TENM2: variants seen among roughly 807,000 people sequenced by gnomAD.
TENM2 encodes teneurin-2.
TENM2 carries 52 observed loss-of-function variants against 245.2 expected under a neutral mutation model. The observed-to-expected ratio is 0.21, with a 90% CI of 0.17 to 0.27. TENM2 has a LOEUF of 0.27. Among genes scored for constraint, TENM2 ranks in the 10% least tolerant of loss-of-function variants. The pLI, the probability that TENM2 is intolerant of heterozygous loss-of-function variation, is 1.00. For synonymous variants in TENM2, 1,363 were observed against 1,438.9 expected, an observed-to-expected ratio of 0.95 and a Z score of 1.19; for missense variants, 3,046 against 3,666.8, an observed-to-expected ratio of 0.83 and a Z score of 4.37.
At chr5:167,613,138 C>T (rs1268746469) in intron 2 of TENM2, among the ~76,000 whole-genome samples, 1 of 152,106 alleles carries the variant, frequency 6.6e-6, no homozygotes, top group African/African-American at 2.4e-5. Flanking sequence ...TGCTTAAAAA[C>T]CCATGTTCTG....
intron 2 of TENM2, among the ~76,000 whole-genome samples, chr5:167,819,807 G>C (rs1420881446): frequency 6.6e-6 from 1 of 152,132 alleles, no homozygotes; most frequent in Admixed American, 6.5e-5. Context: ...TGCTCTACTT[G>C]GCTAAATCTG....
At chr5:167,040,364 A>T in the TENM2 span, among the ~76,000 whole-genome samples, 24 of 152,302 alleles carry the variant, frequency 1.6e-4, no homozygotes, top group Admixed American at 4.6e-4. Flanking sequence ...ATGGGTTGAA[A>T]GAAGGCTGAC....
intron 2 of TENM2, among the ~76,000 whole-genome samples, chr5:167,643,410 G>C (rs899633456): frequency 2.0e-5 from 3 of 152,054 alleles, no homozygotes; most frequent in Non-Finnish European, 4.4e-5. Flanking sequence ...TTCACTTGGT[G>C]TAATCTTTTT....
At chr5:167,973,563 G>T (rs1330433179) in intron 4 of TENM2, among the ~76,000 whole-genome samples, 1 of 152,130 alleles carries the variant, frequency 6.6e-6, no homozygotes, top group Non-Finnish European at 1.5e-5. Flanking sequence ...TGAGCTCAGG[G>T]GACTCTACGG....
At chr5:167,734,307 A>G (rs1760646446) in intron 2 of TENM2, among the ~76,000 whole-genome samples, 2 of 152,194 alleles carry the variant, frequency 1.3e-5, no homozygotes, top group African/African-American at 4.8e-5. Flanking sequence ...CTCACCTGAG[A>G]GGACCCACAT....
intron 2 of TENM2, among the ~76,000 whole-genome samples, chr5:167,723,468 C>T (rs1246487950): frequency 2.0e-5 from 3 of 152,230 alleles, no homozygotes; most frequent in African/African-American, 7.2e-5. Flanking sequence ...CCAGAGGGCG[C>T]CTGACACGTG....
At chr5:166,981,775 T>G in the TENM2 span, among the ~76,000 whole-genome samples, 5 of 152,130 alleles carry the variant, frequency 3.3e-5, no homozygotes, top group African/African-American at 1.2e-4. Context: ...GGTTGTTTTT[T>G]TTACCCAGCC....
rs79547751 is a variant in TENM2 at position 167,401,424 on chromosome 5, T to A, written c.502+25951T>A. 8.0e-3 allele frequency among the ~76,000 whole-genome samples: 1,213 copies of A among 152,244 alleles called. 23 individuals are homozygous for A. Among genetic ancestry groups the A allele is most frequent in the African/African-American group, 0.028 (1,155 of 41,564 alleles). The stretch of plus-strand genomic sequence containing the variant: ...TTCTAAAAATTGTGTTTGTTGAGAA[T>A]CATGAGCAGCCAGTAAGATTCTCAT... On this transcript the variant is annotated intron_variant, in intron 2 of 28. Coordinates refer to ENST00000518659, the Ensembl canonical transcript of TENM2.
chr5:167,635,903 C>T (rs112112765), intron 2 of TENM2, among the ~76,000 whole-genome samples: 2,441 of 151,986 alleles, frequency 0.016, 69 homozygotes, highest in African/African-American at 0.055. Context: ...CTCGGCCTCC[C>T]AAAGCACTGG....
intron 5 of TENM2, among the ~76,000 whole-genome samples, chr5:167,998,710 G>T (rs1784228391): frequency 6.6e-6 from 1 of 152,094 alleles, no homozygotes; most frequent in Non-Finnish European, 1.5e-5. Context: ...AAGTCACCTT[G>T]TCTTTTTTCA....
At chr5:167,211,115 A>G in the TENM2 span, among the ~76,000 whole-genome samples, 1 of 152,152 alleles carries the variant, frequency 6.6e-6, no homozygotes, top group Non-Finnish European at 1.5e-5. Flanking sequence ...TTCTTTTGGT[A>G]TTATTTCTTG....
chr5:167,142,256 ACT>A, the TENM2 span, among the ~76,000 whole-genome samples: 1 of 152,118 alleles, frequency 6.6e-6, no homozygotes, highest in Non-Finnish European at 1.5e-5. Flanking sequence ...GACTCTGCCA[ACT>A]TGCTCACTAA....
At chr5:167,593,327 T>C (rs1049186793) in intron 2 of TENM2, among the ~76,000 whole-genome samples, 8 of 152,250 alleles carry the variant, frequency 5.3e-5, no homozygotes, top group African/African-American at 1.9e-4. Context: ...CAATTGTTTT[T>C]CTAAAAGGGT....
At chr5:167,677,430 A>G (rs1346832808) in intron 2 of TENM2, among the ~76,000 whole-genome samples, 2 of 151,760 alleles carry the variant, frequency 1.3e-5, no homozygotes, top group East Asian at 1.9e-4. Context: ...AGACATTATA[A>G]TTTGTTAGAA....
intron 1 of TENM2, among the ~76,000 whole-genome samples, chr5:167,325,518 T>C (rs149251876): frequency 0.012 from 1,837 of 152,288 alleles, 43 homozygotes; most frequent in African/African-American, 0.041. Context: ...CAGTAACTCA[T>C]TGCTCAGGTT....
At chr5:167,877,191 A>G (rs1362544251) in intron 3 of TENM2, among the ~76,000 whole-genome samples, 2 of 152,116 alleles carry the variant, frequency 1.3e-5, no homozygotes, top group Admixed American at 6.5e-5. Flanking sequence ...CCATGCCGAG[A>G]GTGGGTCTTG....
At chr5:167,499,442 C>T (rs1008550698) in intron 2 of TENM2, among the ~76,000 whole-genome samples, 4 of 152,144 alleles carry the variant, frequency 2.6e-5, no homozygotes, top group African/African-American at 9.7e-5. Context: ...ATATTTATGA[C>T]TAAAATGATG....
intron 1 of TENM2, among the ~76,000 whole-genome samples, chr5:167,338,292 C>G (rs555278546): frequency 7.9e-5 from 12 of 152,182 alleles, no homozygotes; most frequent in Non-Finnish European, 1.6e-4. Flanking sequence ...CCCCATGGAA[C>G]TAAGATGGCT....
At chr5:167,462,690 G>A (rs1296237887) in intron 2 of TENM2, among the ~76,000 whole-genome samples, 1 of 151,802 alleles carries the variant, frequency 6.6e-6, no homozygotes, top group Non-Finnish European at 1.5e-5. Flanking sequence ...CTTCTCTGCT[G>A]CACCACTCTG....
Sources: allele counts gnomAD v4.1 joint callset (sites outside exome capture counted in the v4.1 genomes callset), GRCh38; gene constraint gnomAD v4.1.1; transcripts MANE v1.5; gene names NCBI Gene and HGNC (gene_info 2026-07-23, HGNC 2026-07-21).